Variants in YEATS2 observed in about 807,000 individuals in gnomAD.
YEATS2 encodes the protein YEATS domain-containing protein 2.
A neutral mutation model predicts 163.2 loss-of-function variants in YEATS2; 77 were observed. The ratio of observed to expected loss-of-function variants is 0.47; its 90% confidence interval spans 0.39 to 0.57. The LOEUF is 0.57. Among genes scored for constraint, YEATS2 ranks in the 20% least tolerant of loss-of-function variants. The pLI, the probability that YEATS2 is intolerant of heterozygous loss-of-function variation, is 0.00. For missense variants in YEATS2, 1,549 were observed against 1,729.8 expected (o/e 0.90, Z 1.85); for synonymous variants, 631 against 645.1 (o/e 0.98, Z 0.33).
chr3:183,740,983 C>T (rs1224538511), intron 8 of YEATS2, among the ~76,000 whole-genome samples: 3 of 151,974 alleles, frequency 2.0e-5, no homozygotes, highest in Non-Finnish European at 4.4e-5. Flanking sequence ...CTGTGACCCA[C>T]GCTGAAGTAT....
chr3:183,796,328 T>C (rs1725153516), intron 21 of YEATS2, among the ~76,000 whole-genome samples: 1 of 151,708 alleles, frequency 6.6e-6, no homozygotes, highest in Non-Finnish European at 1.5e-5. Context: ...AAAATGTGTT[T>C]GTATTGTTTG....
chr3:183,736,557 AT>A (rs1718362796), intron 7 of YEATS2, among the ~76,000 whole-genome samples, 160 bp from the exon 8 acceptor site: 1 of 152,208 alleles, frequency 6.6e-6, no homozygotes, highest in Non-Finnish European at 1.5e-5. Context: ...AAAATTTATC[AT>A]TTTAGCAAAA....
chr3:183,736,041 A>G (rs1025045864), intron 7 of YEATS2, among the ~76,000 whole-genome samples: 9 of 152,324 alleles, frequency 5.9e-5, no homozygotes, highest in Non-Finnish European at 8.8e-5. Flanking sequence ...AGTAAAGAAC[A>G]TAATGAACCC....
chr3:183,768,843 G>A (rs1276653772), intron 15 of YEATS2, among the ~76,000 whole-genome samples: 1 of 152,168 alleles, frequency 6.6e-6, no homozygotes, highest in Non-Finnish European at 1.5e-5. Context: ...GTGGTGGCGT[G>A]TGCCCATAAT....
rs1553882709 is a variant in YEATS2, at chr3:183,795,483, T to TA, written c.3098-2439dup. On this transcript the variant is annotated intron_variant, in intron 21 of 30. Coordinates refer to ENST00000305135, the MANE Select transcript of YEATS2 (RefSeq NM_018023.5). ...TTTTTTTTTTTTTTTTTTTTTTTTT[T>TA]AGAGACGGGGTCTTGCTTTGTTGCC... is the stretch of plus-strand genomic sequence containing the variant. 8.1e-4 allele frequency among the ~76,000 whole-genome samples: 101 copies of TA among 124,010 alleles called. 7 individuals carry two copies. The highest frequency in any genetic ancestry group is 2.5e-3 in the African/African-American group (84 of 33,880). The allele number at this position is 124,010 out of a possible 152,430, so 81.4% of individuals were successfully genotyped here.
In YEATS2 at chr3:183,712,219, T is replaced by G. The variant is rs375536005; in HGVS notation, c.-19-2925T>G. On this transcript the variant is annotated intron_variant, in intron 1 of 30. Transcript: ENST00000305135. ...TTTATTTTATTTTATTTTATTTTAT[T>G]TTATTTTTTGAGACAGAGTCTCACC... Among the ~76,000 whole-genome samples the G allele has an allele frequency of 1.0e-2, 1,341 of 134,432 alleles. 30 individuals carry two copies. Among genetic ancestry groups the G allele is most frequent in the African/African-American group, 0.05 (1,282 of 25,586 alleles). The allele number at this position is 134,432 out of a possible 152,430, so 88.2% of individuals were successfully genotyped here. A position where few individuals can be genotyped will look rare whatever the true frequency, so the allele number is the denominator to read the frequency against.
intron 29 of YEATS2, 90 bp from the exon 30 acceptor site, chr3:183,809,007 A>G (rs1726516216): frequency 7.2e-7 from 1 of 1,387,588 alleles, no homozygotes; most frequent in Non-Finnish European, 1.0e-6. Flanking sequence ...AGTGGTTTCA[A>G]ACATTTGGGG....
intron 15 of YEATS2, among the ~76,000 whole-genome samples, chr3:183,769,796 G>A (rs988702071): frequency 2.0e-5 from 3 of 151,998 alleles, no homozygotes; most frequent in Non-Finnish European, 4.4e-5. Flanking sequence ...AGGTTCAAGC[G>A]ATTCTGCTGC....
chr3:183,716,620 T>C (rs868719523), intron 2 of YEATS2, among the ~76,000 whole-genome samples: 96 of 152,304 alleles, frequency 6.3e-4, no homozygotes, highest in African/African-American at 2.0e-3. Flanking sequence ...GTAACTTAAT[T>C]CATTACCCAA....
chr3:183,729,496 T>A (rs918477769), intron 7 of YEATS2, among the ~76,000 whole-genome samples: 1 of 152,158 alleles, frequency 6.6e-6, no homozygotes, highest in Non-Finnish European at 1.5e-5. Flanking sequence ...TCTAACATGG[T>A]AGACTATTTA....
At chr3:183,730,213 C>T (rs1577071686) in intron 7 of YEATS2, among the ~76,000 whole-genome samples, 5 of 150,570 alleles carry the variant, frequency 3.3e-5, no homozygotes, top group Admixed American at 6.6e-5. Context: ...TACAGGTGCA[C>T]GCCACCATGC....
At chr3:183,717,852 C>T in intron 3 of YEATS2, 104 bp downstream of exon 3, 2 of 523,776 alleles carry the variant, frequency 3.8e-6, no homozygotes, top group South Asian at 1.7e-4. Context: ...GCTTTATCCT[C>T]CTCTTTGCTT....
intron 7 of YEATS2, among the ~76,000 whole-genome samples, chr3:183,733,163 A>G (rs1014872350): frequency 3.3e-5 from 5 of 152,232 alleles, no homozygotes; most frequent in Admixed American, 1.3e-4. Context: ...GAATTATTGA[A>G]TTCATGAAAT....
chr3:183,739,208 A>G (rs994911430), intron 8 of YEATS2, among the ~76,000 whole-genome samples: 1 of 151,760 alleles, frequency 6.6e-6, no homozygotes, highest in African/African-American at 2.4e-5. Context: ...TATCTAGAAA[A>G]CCCCATCGTC....
At chr3:183,806,055 G>A (rs1442064003) in intron 27 of YEATS2, 2 of 348,860 alleles carry the variant, frequency 5.7e-6, no homozygotes, top group Non-Finnish European at 1.1e-5. Flanking sequence ...AACCTACAAT[G>A]GTTTGACCTG....
At chr3:183,741,283 A>T (rs1339682124) in intron 8 of YEATS2, among the ~76,000 whole-genome samples, 1 of 152,010 alleles carries the variant, frequency 6.6e-6, no homozygotes, top group Non-Finnish European at 1.5e-5. Flanking sequence ...TTTACCATCC[A>T]GTAAATCCTA....
intron 2 of YEATS2, among the ~76,000 whole-genome samples, chr3:183,716,823 T>C (rs984434518): frequency 1.2e-4 from 19 of 152,284 alleles, no homozygotes; most frequent in African/African-American, 4.3e-4. Context: ...TACCTAATGC[T>C]AACCTTTCTC....
intron 23 of YEATS2, among the ~76,000 whole-genome samples, chr3:183,799,743 C>T (rs559577359): frequency 6.6e-6 from 1 of 151,480 alleles, no homozygotes; most frequent in African/African-American, 2.4e-5. Context: ...GATAAACTAG[C>T]TGGAGAGATG....
At chr3:183,703,331 T>C (rs1577022534) in intron 1 of YEATS2, among the ~76,000 whole-genome samples, 1 of 152,350 alleles carries the variant, frequency 6.6e-6, no homozygotes, top group East Asian at 1.9e-4. Context: ...AGGTTTTGTG[T>C]GTCAGACCTG....
Sources: gnomAD v4.1 joint callset for allele counts (sites outside exome capture counted in the v4.1 genomes callset) on GRCh38, gnomAD v4.1.1 for gene constraint, MANE v1.5 for transcripts, NCBI Gene and HGNC (gene_info 2026-07-23, HGNC 2026-07-21) for gene names.